The following PTPRR variants were observed in gnomAD, a reference collection of about 807,000 sequenced individuals.
PTPRR encodes protein tyrosine phosphatase receptor type R, also known as receptor-type tyrosine-protein phosphatase R.
PTPRR carries 38 observed loss-of-function variants against 77.2 expected under a neutral mutation model. That is an observed-to-expected ratio of 0.49 (90% CI 0.38 to 0.65). The LOEUF (loss-of-function observed/expected upper bound fraction) is 0.65, where lower values mean the gene tolerates loss of function less well. PTPRR is among the 30% of genes least tolerant of loss of function. The probability of loss-of-function intolerance (pLI) is 0.00; values close to 1 mark genes in which losing one functional copy is unlikely to be tolerated. For synonymous variants in PTPRR, 299 were observed against 283.1 expected, an observed-to-expected ratio of 1.06 and a Z score of -0.57; for missense variants, 744 against 799.2, an observed-to-expected ratio of 0.93 and a Z score of 0.83.
At chr12:70,787,884 A>G (rs960640065) in intron 2 of PTPRR, among the ~76,000 whole-genome samples, 11 of 152,194 alleles carry the variant, frequency 7.2e-5, no homozygotes, top group South Asian at 2.1e-4. Flanking sequence ...GTTATTCATC[A>G]TCAAGGACCA....
At chr12:70,915,790 C>T (rs1479418127) in intron 1 of PTPRR, among the ~76,000 whole-genome samples, 1 of 152,030 alleles carries the variant, frequency 6.6e-6, no homozygotes, top group African/African-American at 2.4e-5. Flanking sequence ...TAAGTCCATT[C>T]CAGAAGTGGC....
At chr12:70,884,428 G>A (rs535169036) in intron 2 of PTPRR, among the ~76,000 whole-genome samples, 3 of 152,214 alleles carry the variant, frequency 2.0e-5, no homozygotes, top group African/African-American at 2.4e-5. Context: ...AAAGGCATAC[G>A]GGAGAACAGT....
chr12:70,735,246 C>T (rs1356501308), intron 6 of PTPRR, among the ~76,000 whole-genome samples: 2 of 152,180 alleles, frequency 1.3e-5, no homozygotes, highest in African/African-American at 4.8e-5. Flanking sequence ...TTAGTCCGTT[C>T]TCACACTGCT....
At chr12:70,870,638 A>G (rs188961193) in intron 2 of PTPRR, among the ~76,000 whole-genome samples, 29 of 152,330 alleles carry the variant, frequency 1.9e-4, no homozygotes, top group Non-Finnish European at 3.8e-4. Flanking sequence ...TGGAATGTCA[A>G]AAGAATGAGA....
At chr12:70,907,521 C>G (rs1455793522) in intron 1 of PTPRR, among the ~76,000 whole-genome samples, 1 of 152,130 alleles carries the variant, frequency 6.6e-6, no homozygotes, top group Non-Finnish European at 1.5e-5. Context: ...CCATTGTCTG[C>G]TATTTGCTGG....
At chr12:70,739,893 G>A (rs987396979) in intron 6 of PTPRR, among the ~76,000 whole-genome samples, 93 of 152,084 alleles carry the variant, frequency 6.1e-4, no homozygotes, top group Admixed American at 5.2e-4. Flanking sequence ...GAGGGGGATG[G>A]GGATGGAAAC....
At chr12:70,799,518 T>A (rs1891574712) in intron 2 of PTPRR, among the ~76,000 whole-genome samples, 1 of 152,198 alleles carries the variant, frequency 6.6e-6, no homozygotes, top group Non-Finnish European at 1.5e-5. Flanking sequence ...AGTGTTCAGA[T>A]GTAATATTTA....
intron 2 of PTPRR, among the ~76,000 whole-genome samples, chr12:70,862,841 C>T (rs1004135945): frequency 6.6e-6 from 1 of 152,004 alleles, no homozygotes. Context: ...AAGAAGTACA[C>T]CAGCCATTCC....
intron 6 of PTPRR, 85 bp downstream of exon 6, chr12:70,745,733 A>C (rs1890190558): frequency 1.4e-6 from 2 of 1,435,686 alleles, no homozygotes; most frequent in Non-Finnish European, 1.9e-6. Context: ...CAATTATGTC[A>C]ATCATTACTA....
chr12:70,802,574 G>C (rs1354901640), intron 2 of PTPRR, among the ~76,000 whole-genome samples: 7 of 152,264 alleles, frequency 4.6e-5, no homozygotes, highest in Admixed American at 3.9e-4. Context: ...TCACATTAAA[G>C]TGCTGAGATT....
rs570217348 is a variant in PTPRR at position 70,645,498 on chromosome 12, G to A, written c.1881-6221C>T. Among the ~76,000 whole-genome samples the A allele has an allele frequency of 4.6e-5, 7 of 152,230 alleles. No individual in the cohort carries two copies. In the South Asian group the frequency reaches 1.5e-3, roughly 32 times the overall value. ...TTGTCCTGGTGTCATTATCAATTGG[G>A]TCACCTTTCACTCTCAGAAGTACCT... On this transcript the variant is annotated intron_variant, in intron 13 of 13. Coordinates refer to ENST00000283228, the MANE Select transcript of PTPRR (RefSeq NM_002849.4).
intron 2 of PTPRR, among the ~76,000 whole-genome samples, chr12:70,789,255 TATA>T (rs553314824): frequency 1.3e-3 from 195 of 152,036 alleles, no homozygotes; most frequent in African/African-American, 4.3e-3. Context: ...AAACTTAAAG[TATA>T]ATAATAATAA....
intron 2 of PTPRR, among the ~76,000 whole-genome samples, chr12:70,873,509 C>A (rs1428994377): frequency 1.3e-5 from 2 of 152,018 alleles, no homozygotes; most frequent in Admixed American, 6.6e-5. Context: ...GTTGAGTCTA[C>A]AATAAAAGTA....
At chr12:70,736,108 G>C (rs553773486) in intron 6 of PTPRR, among the ~76,000 whole-genome samples, 1 of 152,074 alleles carries the variant, frequency 6.6e-6, no homozygotes, top group South Asian at 2.1e-4. Context: ...TGCTCTATTC[G>C]TGTTCACCTT....
chr12:70,779,436 G>A (rs1258224218), intron 2 of PTPRR, among the ~76,000 whole-genome samples: 1 of 152,012 alleles, frequency 6.6e-6, no homozygotes, highest in Non-Finnish European at 1.5e-5. Flanking sequence ...AAGATTATTG[G>A]GTGGTGCCTC....
At position 70,803,052 on chromosome 12, in the gene PTPRR, A is replaced by G. The variant is rs958463397; in HGVS notation, c.358-38274T>C. ...GCCAATTTGATAAGGCTATCTGTTA[A>G]TTTTATCTTCAAAACCCAAATTTAG... On this transcript the variant is annotated intron_variant, in intron 2 of 13. Coordinates refer to ENST00000283228, the MANE Select transcript of PTPRR (RefSeq NM_002849.4). Among the ~76,000 whole-genome samples the G allele has an allele frequency of 4.6e-5, 7 of 152,298 alleles. 1 individual carries two copies. The highest frequency in any genetic ancestry group is 2.6e-4 in the Admixed American group (4 of 15,292).
At chr12:70,859,382 A>G (rs1176139014) in intron 2 of PTPRR, among the ~76,000 whole-genome samples, 3 of 152,054 alleles carry the variant, frequency 2.0e-5, no homozygotes, top group Non-Finnish European at 4.4e-5. Context: ...ATATGTATCC[A>G]GGGTTGACAA....
chr12:70,678,496 A>T (rs1592664260), intron 10 of PTPRR, among the ~76,000 whole-genome samples: 1 of 151,932 alleles, frequency 6.6e-6, no homozygotes, highest in African/African-American at 2.4e-5. Flanking sequence ...TGTTCACCAT[A>T]GTCTTTTATA....
chr12:70,692,642 T>C lies in PTPRR; in HGVS notation c.1279+5623A>G, dbSNP rs544285543. Among the ~76,000 whole-genome samples the C allele has an allele frequency of 9.9e-5, 15 of 152,264 alleles. No homozygotes were observed. In the East Asian group the frequency reaches 2.9e-3, roughly 30 times the overall value. On this transcript the variant is annotated intron_variant, in intron 8 of 13. Transcript: ENST00000283228. ...CTAGGGCAATCTCCCAAATGTTCTA[T>C]GTTTTTGCAGATTTTATGCTTTTGC...
Sources: gnomAD v4.1 joint callset for allele counts (sites outside exome capture counted in the v4.1 genomes callset) on GRCh38, gnomAD v4.1.1 for gene constraint, MANE v1.5 for transcripts, NCBI Gene and HGNC (gene_info 2026-07-23, HGNC 2026-07-21) for gene names.